The following AHCYL2 variants were observed in gnomAD, a reference collection of about 807,000 sequenced individuals.
The protein encoded by AHCYL2 is adenosylhomocysteinase like 2.
In AHCYL2, 28 loss-of-function variants were observed where a neutral mutation model predicts 81.4. The ratio of observed to expected loss-of-function variants is 0.34; its 90% CI spans 0.25 to 0.47. The LOEUF is 0.47. Ranked by LOEUF, AHCYL2 falls within the 20% of genes least tolerant of loss-of-function variation. AHCYL2 has a pLI of 1.00. For missense variants in AHCYL2, 551 were observed against 785.1 expected (o/e 0.70, Z 3.56); for synonymous variants, 272 against 290.2 (o/e 0.94, Z 0.64).
chr7:129,226,572 T>C (rs1440847082), intron 1 of AHCYL2, among the ~76,000 whole-genome samples: 11 of 152,246 alleles, frequency 7.2e-5, no homozygotes, highest in Non-Finnish European at 1.6e-4. Context: ...GGTTTTACTG[T>C]GTGGGACCAG....
intron 1 of AHCYL2, among the ~76,000 whole-genome samples, chr7:129,364,245 T>C (rs1396023593): frequency 1.3e-5 from 2 of 152,120 alleles, no homozygotes; most frequent in African/African-American, 4.8e-5. Flanking sequence ...TAGAATAGAA[T>C]AGAATATTAA....
At chr7:129,232,239 G>A (rs1182960853) in intron 1 of AHCYL2, among the ~76,000 whole-genome samples, 4 of 152,126 alleles carry the variant, frequency 2.6e-5, no homozygotes, top group African/African-American at 9.7e-5. Flanking sequence ...TACTTACTCC[G>A]TGTCAGGAAT....
intron 1 of AHCYL2, among the ~76,000 whole-genome samples, chr7:129,261,587 C>T (rs970308662): frequency 1.3e-5 from 2 of 152,144 alleles, no homozygotes; most frequent in African/African-American, 4.8e-5. Context: ...TCTTGGTGAA[C>T]CCCATTCTGA....
chr7:129,315,297 G>T (rs940327947), intron 1 of AHCYL2, among the ~76,000 whole-genome samples: 21 of 151,952 alleles, frequency 1.4e-4, no homozygotes, highest in African/African-American at 5.1e-4. Flanking sequence ...CAAACTCCTT[G>T]GCTTGGAATT....
At chr7:129,269,177 G>C (rs1049784677) in intron 1 of AHCYL2, among the ~76,000 whole-genome samples, 1 of 148,868 alleles carries the variant, frequency 6.7e-6, no homozygotes, top group African/African-American at 2.5e-5. Context: ...CTGAAGTGTG[G>C]TGTGGCACGA....
Position 129,424,871 on chromosome 7 carries a change from T to C in AHCYL2, c.1561-3T>C, listed in dbSNP as rs760286568. On this transcript the variant is annotated splice_polypyrimidine_tract_variant and splice_region_variant and intron_variant, in intron 13 of 16. Coordinates refer to ENST00000325006, the MANE Select transcript of AHCYL2 (RefSeq NM_015328.4). ...CATTTGTGTCTTCACCTTTGATCAC[T>C]AGGGCCGCCTGCTGAACCTTAGCTG... is the stretch of plus-strand genomic sequence containing the variant. 3.7e-6 allele frequency: 6 copies of C among 1,612,618 alleles called. No homozygotes were observed. In the Admixed American group the frequency reaches 1.0e-4, roughly 27 times the overall value.
In AHCYL2 at chr7:129,236,408, C is replaced by T. The variant is rs192407830; in HGVS notation, c.363+10969C>T. On this transcript the variant is annotated intron_variant, in intron 1 of 16. Transcript: ENST00000325006. The stretch of plus-strand genomic sequence containing the variant: ...TAGAAACGAGGTTTCACGGTGTTGC[C>T]CAGGATGGTCTTGAACTCCTGACCT... 1.1e-3 allele frequency among the ~76,000 whole-genome samples: 165 copies of T among 151,862 alleles called. No individual in the cohort carries two copies. The Middle Eastern group carries it at 0.017, about 16-fold the overall frequency.
At chr7:129,231,013 A>C (rs550280772) in intron 1 of AHCYL2, among the ~76,000 whole-genome samples, 1 of 152,272 alleles carries the variant, frequency 6.6e-6, no homozygotes, top group South Asian at 2.1e-4. Context: ...TGGGCAGATC[A>C]TGAGGTCAAG....
chr7:129,260,394 A>G (rs561953717), intron 1 of AHCYL2, among the ~76,000 whole-genome samples: 3 of 152,314 alleles, frequency 2.0e-5, no homozygotes, highest in African/African-American at 4.8e-5. Flanking sequence ...CTGCCCTTCA[A>G]TATACAATCA....
intron 1 of AHCYL2, among the ~76,000 whole-genome samples, chr7:129,324,660 C>T (rs1445773345): frequency 4.6e-5 from 7 of 152,036 alleles, no homozygotes; most frequent in African/African-American, 1.2e-4. Flanking sequence ...GGACTACAGG[C>T]GCCTGCCACC....
At chr7:129,362,774 A>C (rs1219105458) in intron 1 of AHCYL2, among the ~76,000 whole-genome samples, 1 of 152,094 alleles carries the variant, frequency 6.6e-6, no homozygotes, top group African/African-American at 2.4e-5. Context: ...CCAAAGTCCA[A>C]TAAAACAAAG....
At chr7:129,235,354 TCCA>T (rs1442423962) in intron 1 of AHCYL2, among the ~76,000 whole-genome samples, 1 of 149,984 alleles carries the variant, frequency 6.7e-6, no homozygotes, top group Non-Finnish European at 1.5e-5. Flanking sequence ...AAGAGAGGCT[TCCA>T]CCTCTGAACC....
Position 129,225,187 on chromosome 7 carries a change from C to T in AHCYL2, c.111C>T (p.Ala37=), listed in dbSNP as rs946810226. 1.9e-6 allele frequency: 3 copies of T among 1,570,616 alleles called. No homozygotes were observed. Among genetic ancestry groups the T allele is most frequent in the African/African-American group, 1.4e-5 (1 of 72,400 alleles). ...CGCAACTAGGACTGAGCACGGCCGC[C>T]GTGGGCGCCATGGCCCCCCCGGCGG... The part of the protein sequence containing the change: ...AESQLGLSTA[A]VGAMAPPAGG... Residue 37 remains alanine, a synonymous_variant, in exon 1 of 17, where the codon GCC becomes GCT. Transcript: ENST00000325006.
chr7:129,297,764 G>C (rs1797103764), intron 1 of AHCYL2, among the ~76,000 whole-genome samples: 1 of 152,112 alleles, frequency 6.6e-6, no homozygotes, highest in East Asian at 1.9e-4. Flanking sequence ...GCTCATGCTT[G>C]TAATCCCAGC....
intron 1 of AHCYL2, among the ~76,000 whole-genome samples, chr7:129,284,053 T>C (rs1796541427): frequency 6.6e-6 from 1 of 152,206 alleles, no homozygotes. Flanking sequence ...AGTACTATTT[T>C]ATTATAAATA....
rs1012366633 is a variant in AHCYL2 at position 129,403,081 on chromosome 7, A to G, written c.919-298A>G. Among the ~76,000 whole-genome samples, 3 of 152,282 alleles carry G rather than the reference A, an allele frequency of 2.0e-5. No homozygotes were observed. In the East Asian group the frequency reaches 5.8e-4, roughly 29 times the overall value. On this transcript the variant is annotated intron_variant, in intron 6 of 16. Transcript: ENST00000325006. ...CCTAGTAACTACAAGTTACCAATCCATAAGAAAATCCTCGGTTAGTTGCTG... is the reference window on the plus strand; with the variant it reads ...CCTAGTAACTACAAGTTACCAATCCGTAAGAAAATCCTCGGTTAGTTGCTG...
At chr7:129,253,918 C>A (rs1276878472) in intron 1 of AHCYL2, among the ~76,000 whole-genome samples, 1 of 152,182 alleles carries the variant, frequency 6.6e-6, no homozygotes, top group Non-Finnish European at 1.5e-5. Flanking sequence ...ATAATTATAT[C>A]TTTTCTGCTT....
intron 1 of AHCYL2, among the ~76,000 whole-genome samples, chr7:129,292,628 A>G (rs1796906524): frequency 6.6e-6 from 1 of 152,144 alleles, no homozygotes; most frequent in South Asian, 2.1e-4. Flanking sequence ...TTACCTGGGC[A>G]TGGTGGCACA....
At chr7:129,236,391 A>T (rs956598743) in intron 1 of AHCYL2, among the ~76,000 whole-genome samples, 3 of 151,794 alleles carry the variant, frequency 2.0e-5, no homozygotes, top group Non-Finnish European at 2.9e-5. Context: ...CATAGAAACG[A>T]GGTTTCACGG....
Sources: allele counts gnomAD v4.1 joint callset (sites outside exome capture counted in the v4.1 genomes callset), GRCh38; gene constraint gnomAD v4.1.1; transcripts MANE v1.5; gene names NCBI Gene and HGNC (gene_info 2026-07-23, HGNC 2026-07-21).